The following FAM120C variants were observed in gnomAD, a reference collection of about 807,000 sequenced individuals.
FAM120C encodes the protein family with sequence similarity 120 member C, also known as constitutive coactivator of PPAR-gamma-like protein 2.
Under a neutral mutation model 71.2 loss-of-function variants are expected in FAM120C, and 14 were observed. That is an observed-to-expected ratio of 0.20 (90% CI 0.13 to 0.31). FAM120C has a LOEUF of 0.31. FAM120C is among the 10% of genes least tolerant of loss of function. The pLI, the probability that FAM120C is intolerant of heterozygous loss-of-function variation, is 1.00. For synonymous variants in FAM120C, 354 were observed against 353.2 expected (o/e 1.00, Z -0.03); for missense variants, 500 against 879.0 (o/e 0.57, Z 5.45).
At chrX:54,108,758 C>T (rs1488246527) in intron 10 of FAM120C, among the ~76,000 whole-genome samples, 1 of 109,871 alleles carries the variant, frequency 9.1e-6, no homozygotes, top group Non-Finnish European at 1.9e-5. Flanking sequence ...TGGTGAAACC[C>T]GGTCTCTACA....
At chrX:54,179,087 C>A (rs782729468) in intron 1 of FAM120C, among the ~76,000 whole-genome samples, 22 of 111,809 alleles carry the variant, frequency 2.0e-4, no homozygotes, top group Non-Finnish European at 3.8e-4. Flanking sequence ...AGGAAGCAAT[C>A]AGGCAAGCAA....
chrX:54,098,326 C>G (rs1188426159), intron 10 of FAM120C, among the ~76,000 whole-genome samples: 1 of 111,744 alleles, frequency 8.9e-6, no homozygotes, highest in Admixed American at 9.6e-5. Context: ...CAGGCATAAG[C>G]CACCGTGCCC....
chrX:54,109,815 T>TAA (rs1265839162), intron 10 of FAM120C, among the ~76,000 whole-genome samples: 1 of 94,974 alleles, frequency 1.1e-5, no homozygotes, highest in African/African-American at 3.8e-5. Flanking sequence ...AGACTCCGTC[T>TAA]AAAAAAAAAA....
intron 15 of FAM120C, among the ~76,000 whole-genome samples, chrX:54,075,140 A>G (rs2066728789): frequency 8.9e-6 from 1 of 111,882 alleles, no homozygotes; most frequent in Admixed American, 9.6e-5. Context: ...CCTGGGCGAC[A>G]GAGTGAGATC....
At chrX:54,110,011 C>CTTTTTT (rs782078837) in intron 10 of FAM120C, among the ~76,000 whole-genome samples, 5 of 61,436 alleles carry the variant, frequency 8.1e-5, no homozygotes, top group Admixed American at 2.9e-4. Flanking sequence ...AGAAAAATAT[C>CTTTTTT]TTTTTTTTTT....
chrX:54,082,669 A>AC (rs1557121488), intron 13 of FAM120C, among the ~76,000 whole-genome samples: 1 of 110,359 alleles, frequency 9.1e-6, no homozygotes, highest in Non-Finnish European at 1.9e-5. Flanking sequence ...TCAGGCTCTC[A>AC]AAGTGCTGGG....
Position 54,183,123 on chromosome X carries a change from G to T in FAM120C, c.76C>A (p.Leu26Ile). Residue 26 changes from leucine to isoleucine, a missense_variant, in exon 1 of 16, where the codon CTC becomes ATC. Around this residue, in one of 11 missense-constraint regions of FAM120C, gnomAD observed 12 missense variants for 30.3 expected, o/e 0.40. Transcript: ENST00000375180. ...GAVVPVDLLK[L>I]ARTVSRQQQQ... ...TGCTGGCGCGAGACCGTGCGCGCGA[G>T]TTTTAGGAGGTCCACGGGCACCACG... 1 of 1,155,554 alleles carries T rather than the reference G, an allele frequency of 8.7e-7. No homozygotes were observed. Among genetic ancestry groups the T allele is most frequent in the Non-Finnish European group, 1.1e-6 (1 of 870,069 alleles).
chrX:54,124,566 C>T (rs1242128311), intron 9 of FAM120C, among the ~76,000 whole-genome samples: 1 of 97,943 alleles, frequency 1.0e-5, no homozygotes, highest in East Asian at 3.3e-4. Flanking sequence ...AATGCCTCGC[C>T]CTGCTTCGGC....
At chrX:54,163,994 G>A (rs1036434199) in intron 1 of FAM120C, among the ~76,000 whole-genome samples, 1 of 108,154 alleles carries the variant, frequency 9.2e-6, no homozygotes, top group Non-Finnish European at 1.9e-5. Flanking sequence ...GTGCAGTGGC[G>A]CGATCTCGGC....
At chrX:54,087,403 T>A (rs1322916238) in intron 12 of FAM120C, among the ~76,000 whole-genome samples, 2 of 109,403 alleles carry the variant, frequency 1.8e-5, no homozygotes, top group African/African-American at 6.6e-5. Flanking sequence ...AAAAAAAAAA[T>A]TGCTTGCAAA....
At chrX:54,146,127 G>C (rs1445094439) in intron 4 of FAM120C, among the ~76,000 whole-genome samples, 1 of 108,751 alleles carries the variant, frequency 9.2e-6, no homozygotes, top group Non-Finnish European at 1.9e-5. Flanking sequence ...TGGACACAAG[G>C]TGGGGAACAT....
At chrX:54,174,406 G>A (rs1452239897) in intron 1 of FAM120C, among the ~76,000 whole-genome samples, 1 of 111,467 alleles carries the variant, frequency 9.0e-6, no homozygotes, top group African/African-American at 3.3e-5. Context: ...ATGACAAGTG[G>A]CACTTCATCA....
In FAM120C at chrX:54,073,071, G is replaced by C; in HGVS notation, c.3253C>G (p.Gln1085Glu). The change falls in exon 16 of 16, where the codon CAA becomes GAA. Residue 1085 changes from glutamine to glutamate, a missense_variant. Coordinates refer to ENST00000375180, the MANE Select transcript of FAM120C (RefSeq NM_017848.6). ...NNREKNHLQE[Q>E]KLETVAQRKE... Reference sequence around the variant, plus strand: ...CGTTGTGCCACAGTTTCTAGCTTTTGCTCTTGTAAGTGGTTCTTCTCCCTA... The same window carrying C: ...CGTTGTGCCACAGTTTCTAGCTTTTCCTCTTGTAAGTGGTTCTTCTCCCTA... The C allele has an allele frequency of 8.3e-7, 1 of 1,209,283 alleles. No individual in the cohort carries two copies. The highest frequency in any genetic ancestry group is 1.1e-6 in the Non-Finnish European group (1 of 894,061).
At chrX:54,156,639 C>A (rs1557133740) in intron 3 of FAM120C, among the ~76,000 whole-genome samples, 1 of 109,598 alleles carries the variant, frequency 9.1e-6, no homozygotes, top group Non-Finnish European at 1.9e-5. Flanking sequence ...GTAATCCCAG[C>A]ACTTTGGGAG....
Position 54,151,337 on chromosome X carries a change from C to A in FAM120C, c.1066G>T (p.Val356Leu). 3.3e-6 allele frequency: 4 copies of A among 1,209,976 alleles called. No individual in the cohort carries two copies. Among genetic ancestry groups the A allele is most frequent in the Non-Finnish European group, 4.5e-6 (4 of 894,860 alleles). The change falls in exon 4 of 16, where the codon GTG (valine) becomes TTG (leucine). Residue 356 changes from valine (V) to leucine (L), a missense_variant. Val to Leu is a conservative substitution (Grantham distance 32, BLOSUM62 1). This residue lies in a region of FAM120C where 55 missense variants were observed against 96.7 expected (regional missense o/e 0.57). Transcript: ENST00000375180. ...TACTCAGAAACAGCCTTGATCACCA[C>A]GTCACAGGGAGGAAGAACCAGCTGA... Reference protein sequence around the residue: ...AHQLVLPPCDVVIKAVSEYVS... With the variant: ...AHQLVLPPCDLVIKAVSEYVS...
chrX:54,176,145 G>GATA (rs2067316281), intron 1 of FAM120C, among the ~76,000 whole-genome samples: 1 of 111,297 alleles, frequency 9.0e-6, no homozygotes, highest in African/African-American at 3.3e-5. Context: ...AAAAAGTAGA[G>GATA]ATTTAGGCCA....
At position 54,158,717 on chromosome X, in the gene FAM120C, C is replaced by T. The variant is rs782668986; in HGVS notation, c.946+653G>A. 1.1e-3 allele frequency among the ~76,000 whole-genome samples: 121 copies of T among 111,136 alleles called. No homozygotes were observed. In the Middle Eastern group the frequency reaches 0.014, roughly 13 times the overall value. The stretch of plus-strand genomic sequence containing the variant: ...CTGGGAGGCGGAGATTGCAGTGAGT[C>T]GAGATCGTGCCACTACACTCCAGCC... On this transcript the variant is annotated intron_variant, in intron 2 of 15. Transcript: ENST00000375180.
chrX:54,124,308 C>T (rs1202947700), intron 9 of FAM120C, among the ~76,000 whole-genome samples: 27 of 34,300 alleles, frequency 7.9e-4, no homozygotes, highest in African/African-American at 2.8e-3. Flanking sequence ...GCGGGCGCCC[C>T]TCCCCCAGCC....
chrX:54,082,487 C>A (rs1465070662), intron 13 of FAM120C, among the ~76,000 whole-genome samples: 1 of 110,533 alleles, frequency 9.0e-6, no homozygotes, highest in Non-Finnish European at 1.9e-5. Flanking sequence ...CGGCTCACTG[C>A]AACCTCCACT....
Sources: allele counts gnomAD v4.1 joint callset (sites outside exome capture counted in the v4.1 genomes callset), GRCh38; gene constraint gnomAD v4.1.1; regional missense constraint gnomAD v4.1.1; transcripts MANE v1.5; gene names NCBI Gene and HGNC (gene_info 2026-07-23, HGNC 2026-07-21).